Variants in NRXN1 observed in about 807,000 individuals in gnomAD.
NRXN1 encodes the protein neurexin-1.
A neutral mutation model predicts 150.9 loss-of-function variants in NRXN1; 39 were observed. The observed-to-expected ratio is 0.26, with a 90% CI of 0.20 to 0.34. The LOEUF (loss-of-function observed/expected upper bound fraction) is 0.34, where lower values mean the gene tolerates loss of function less well. Among genes scored for constraint, NRXN1 ranks in the 10% least tolerant of loss-of-function variants. NRXN1 has a pLI of 1.00. For missense variants in NRXN1, 1,815 were observed against 1,949.9 expected (o/e 0.93, Z 1.30); for synonymous variants, 924 against 757.0 (o/e 1.22, Z -3.62).
intron 8 of NRXN1, among the ~76,000 whole-genome samples, chr2:50,574,229 T>A (rs1671070001): frequency 6.6e-6 from 1 of 152,058 alleles, no homozygotes; most frequent in African/African-American, 2.4e-5. Context: ...AAGCCCCAAA[T>A]GCCATCTAAC....
intron 15 of NRXN1, among the ~76,000 whole-genome samples, chr2:50,495,380 GGTGT>G (rs1157611088): frequency 0.016 from 287 of 17,750 alleles, no homozygotes; most frequent in Non-Finnish European, 0.021. Context: ...GTGTGTGTGT[GGTGT>G]GTGTGTGTGT....
intron 2 of NRXN1, among the ~76,000 whole-genome samples, chr2:51,005,858 C>T (rs1179192006): frequency 1.3e-5 from 2 of 151,692 alleles, no homozygotes; most frequent in South Asian, 2.1e-4. Flanking sequence ...TGGATTAAAA[C>T]AAAAATGACC....
intron 17 of NRXN1, among the ~76,000 whole-genome samples, chr2:50,343,117 G>T (rs1198910669): frequency 6.6e-6 from 1 of 152,180 alleles, no homozygotes; most frequent in Non-Finnish European, 1.5e-5. Flanking sequence ...CCCTTTAATA[G>T]TGTAAGCTAA....
In NRXN1 at chr2:50,144,280, T is replaced by C. The variant is rs112184711; in HGVS notation, c.3547-52786A>G. On this transcript the variant is annotated intron_variant, in intron 18 of 22. Transcript: ENST00000401669. Reference sequence around the variant, plus strand: ...TTCCTTCATATTTTTCATTGTTGTTTTTTCCCTTAGTTTCAAGCCCTACCT... The same window carrying C: ...TTCCTTCATATTTTTCATTGTTGTTCTTTCCCTTAGTTTCAAGCCCTACCT... Among the ~76,000 whole-genome samples the C allele has an allele frequency of 1.3e-3, 197 of 151,916 alleles. 1 individual carries two copies. Among genetic ancestry groups the C allele is most frequent in the African/African-American group, 4.7e-3 (194 of 41,506 alleles).
chr2:50,471,706 A>G (rs2089483188), intron 16 of NRXN1, among the ~76,000 whole-genome samples: 1 of 151,802 alleles, frequency 6.6e-6, no homozygotes, highest in Non-Finnish European at 1.5e-5. Context: ...CATAGAGGGG[A>G]TCAACAGACA....
chr2:50,562,749 C>T (rs1262636863), intron 8 of NRXN1, among the ~76,000 whole-genome samples: 1 of 152,002 alleles, frequency 6.6e-6, no homozygotes, highest in African/African-American at 2.4e-5. Context: ...AATTATTTTT[C>T]CGACTTGTAA....
At chr2:50,951,551 G>C (rs988419721) in intron 2 of NRXN1, among the ~76,000 whole-genome samples, 4 of 151,910 alleles carry the variant, frequency 2.6e-5, no homozygotes, top group Admixed American at 6.6e-5. Context: ...ACCTGGAGGA[G>C]TTTAAAATAT....
chr2:50,803,375 T>C (rs1707876012), intron 5 of NRXN1, among the ~76,000 whole-genome samples: 1 of 152,152 alleles, frequency 6.6e-6, no homozygotes, highest in Non-Finnish European at 1.5e-5. Context: ...CAAGCCCCCA[T>C]ACATGATCAA....
Position 50,620,037 on chromosome 2 carries a change from C to A in NRXN1, c.1305G>T (p.Met435Ile). The A allele has an allele frequency of 6.2e-7, 1 of 1,604,860 alleles. No homozygotes were observed. Among genetic ancestry groups the A allele is most frequent in the Non-Finnish European group, 8.5e-7 (1 of 1,175,008 alleles). The change falls in exon 8 of 23, where the codon ATG (methionine) becomes ATT (isoleucine). Residue 435 changes from methionine to isoleucine, a missense_variant. This residue lies in a region of NRXN1 where 638 missense variants were observed against 652.6 expected (regional missense o/e 0.98). Transcript: ENST00000401669. ...LPGSPVSNNF[M>I]GCLKEVVYKN... ...CGATATTTACCTCTTTGAGACAGCC[C>A]ATAAAGTTGTTACTGACTGGTGACC...
intron 5 of NRXN1, among the ~76,000 whole-genome samples, chr2:50,685,120 C>A (rs1452745118): frequency 6.6e-6 from 1 of 152,194 alleles, no homozygotes; most frequent in African/African-American, 2.4e-5. Context: ...TAAAACTACA[C>A]ATCTCACTTA....
At chr2:50,274,715 T>C (rs983711483) in intron 17 of NRXN1, among the ~76,000 whole-genome samples, 3 of 152,118 alleles carry the variant, frequency 2.0e-5, no homozygotes, top group Non-Finnish European at 4.4e-5. Context: ...AAAATGAGCA[T>C]AGGCTGGCTG....
At chr2:50,304,603 C>A (rs528299255) in intron 17 of NRXN1, among the ~76,000 whole-genome samples, 1 of 152,194 alleles carries the variant, frequency 6.6e-6, no homozygotes, top group Admixed American at 6.5e-5. Flanking sequence ...TTACTTGAAC[C>A]CCAGAGGAAA....
chr2:50,040,738 G>A (rs1032352212), intron 21 of NRXN1, among the ~76,000 whole-genome samples: 7 of 152,080 alleles, frequency 4.6e-5, no homozygotes, highest in African/African-American at 1.4e-4. Flanking sequence ...AAGCAAAAAA[G>A]TGAATTCTGG....
intron 5 of NRXN1, among the ~76,000 whole-genome samples, chr2:50,886,391 C>T (rs1256607508): frequency 1.3e-5 from 2 of 151,182 alleles, no homozygotes; most frequent in African/African-American, 2.4e-5. Flanking sequence ...ACACGTGATC[C>T]CAATTTTGGC....
intron 5 of NRXN1, among the ~76,000 whole-genome samples, chr2:50,761,006 A>C (rs1340390409): frequency 6.6e-6 from 1 of 151,864 alleles, no homozygotes; most frequent in African/African-American, 2.4e-5. Context: ...TTAATTCTCT[A>C]CCTTGCTTGC....
At chr2:50,746,898 T>C (rs1354654240) in intron 5 of NRXN1, among the ~76,000 whole-genome samples, 2 of 152,134 alleles carry the variant, frequency 1.3e-5, no homozygotes, top group East Asian at 1.9e-4. Flanking sequence ...TGCTCTGGGT[T>C]GGAAGCAAAT....
Position 50,551,077 on chromosome 2 carries a change from G to GAAGAAGAAGAAGAA in NRXN1, c.1759+1509_1759+1510insTTCTTCTTCTTCTT, listed in dbSNP as rs1553775815. 1.4e-3 allele frequency among the ~76,000 whole-genome samples: 75 copies of GAAGAAGAAGAAGAA among 52,372 alleles called. 1 individual carries two copies. Among genetic ancestry groups the GAAGAAGAAGAAGAA allele is most frequent in the African/African-American group, 6.3e-3 (60 of 9,562 alleles). 34.4% of individuals were successfully genotyped at this position (52,372 alleles called of 152,430 possible). ...AAGAAGAAGAAGAAGAAGAAGAAGA[G>GAAGAAGAAGAAGAA]GAGGAGGAGGAGGAGGAGGAGGAGG... On this transcript the variant is annotated intron_variant, in intron 9 of 22. Coordinates refer to ENST00000401669, the MANE Select transcript of NRXN1 (RefSeq NM_001330078.2).
chr2:50,706,331 T>G (rs1574178130), intron 5 of NRXN1, among the ~76,000 whole-genome samples: 1 of 152,310 alleles, frequency 6.6e-6, no homozygotes, highest in Non-Finnish European at 1.5e-5. Context: ...GAGAAGACGG[T>G]TAAGACAATA....
In NRXN1 at chr2:50,238,291, G is replaced by A. The variant is rs376247227; in HGVS notation, c.3365-1321C>T. On this transcript the variant is annotated intron_variant, in intron 17 of 22. Transcript: ENST00000401669. ...TGTCTTCTTCTGACTGCTTAAAATG[G>A]GACATTGTTGTTTTCCTGCCTTTGC... Among the ~76,000 whole-genome samples the A allele has an allele frequency of 9.9e-4, 150 of 152,064 alleles. 1 individual carries two copies. The highest frequency in any genetic ancestry group is 3.5e-3 in the African/African-American group (144 of 41,526).
Sources: gnomAD v4.1 joint callset for allele counts (sites outside exome capture counted in the v4.1 genomes callset) on GRCh38, gnomAD v4.1.1 for gene constraint, gnomAD v4.1.1 regional missense constraint, MANE v1.5 for transcripts, NCBI Gene and HGNC (gene_info 2026-07-23, HGNC 2026-07-21) for gene names.